KANK2: variants seen among roughly 807,000 people sequenced by gnomAD.
The protein encoded by KANK2 is KN motif and ankyrin repeat domains 2.
Under a neutral mutation model 74.6 loss-of-function variants are expected in KANK2, and 41 were observed. The observed-to-expected ratio is 0.55, with a 90% CI of 0.43 to 0.71. The LOEUF (loss-of-function observed/expected upper bound fraction) is 0.71. KANK2 is among the 30% of genes least tolerant of loss of function. The pLI is 0.00. For missense variants in KANK2, 1,148 were observed against 1,196.4 expected (o/e 0.96, Z 0.60); for synonymous variants, 537 against 519.0 (o/e 1.03, Z -0.47).
chr19:11,191,965 G>C (rs1023149642), intron 4 of KANK2, among the ~76,000 whole-genome samples: 1 of 152,108 alleles, frequency 6.6e-6, no homozygotes, highest in Non-Finnish European at 1.5e-5. Flanking sequence ...AGGCTAAGGC[G>C]GGAGGATTGC....
chr19:11,193,973 G>A lies in KANK2; in HGVS notation c.107C>T (p.Thr36Ile). ...CAGGTCCAGGCGGTAGCCATAGGGG[G>A]TCTCCACGGAGTAGGGTGGATCGGG... ...KDPDPPYSVE[T>I]PYGYRLDLDF... The change falls in exon 4 of 13, where the codon ACC becomes ATC. Residue 36 changes from threonine (T) to isoleucine (I), a missense_variant. Coordinates refer to ENST00000586659, the MANE Select transcript of KANK2 (RefSeq NM_001136191.3). This position sits in a 1 kb window ranked among gnomAD's most constrained non-coding sequence, Gnocchi z 9.6. The A allele has an allele frequency of 6.2e-7, 1 of 1,614,064 alleles. No homozygotes were observed. The highest frequency in any genetic ancestry group is 8.5e-7 in the Non-Finnish European group (1 of 1,179,984).
In KANK2 at chr19:11,166,359, G is replaced by T; in HGVS notation, c.*199C>A. ...CGCTGTGGCCACTTTGAACAGGGGAGCCAAGAAAACCCACTTGGAGCTGGA... is the reference window on the plus strand; with the variant it reads ...CGCTGTGGCCACTTTGAACAGGGGATCCAAGAAAACCCACTTGGAGCTGGA... On this transcript the variant is annotated 3_prime_UTR_variant, in exon 13 of 13. Coordinates refer to ENST00000586659, the MANE Select transcript of KANK2 (RefSeq NM_001136191.3). 1 of 581,822 alleles carries T rather than the reference G, an allele frequency of 1.7e-6. No individual in the cohort carries two copies. Among genetic ancestry groups the T allele is most frequent in the Non-Finnish European group, 3.1e-6 (1 of 326,262 alleles). The allele number at this position is 581,822 out of a possible 1,614,324, so 36.0% of individuals were successfully genotyped here. A position where few individuals can be genotyped will look rare whatever the true frequency, so the allele number is the denominator to read the frequency against.
rs754748677 is a variant in KANK2 at position 11,193,346 on chromosome 19, C to T, written c.734G>A (p.Arg245His). 40 of 1,612,350 alleles carry T rather than the reference C, an allele frequency of 2.5e-5. No individual in the cohort carries two copies. Among genetic ancestry groups the T allele is most frequent in the African/African-American group, 1.2e-4 (9 of 74,758 alleles). The change falls in exon 4 of 13, where the codon CGC (arginine) becomes CAC (histidine). Residue 245 changes from arginine (R) to histidine (H), a missense_variant. Transcript: ENST00000586659. This position sits in a 1 kb window ranked among gnomAD's most constrained non-coding sequence, Gnocchi z 9.6. ...FLGHPTAGRGRSELCLDLPDP... is the reference protein window; with the variant it reads ...FLGHPTAGRGHSELCLDLPDP... ...GGGGAGGTCCAGGCAGAGCTCGCTG[C>T]GACCCCGGCCCGCTGTGGGGTGGCC... is the stretch of plus-strand genomic sequence containing the variant.
At chr19:11,175,331 G>A (rs1182229380) in intron 8 of KANK2, among the ~76,000 whole-genome samples, 1 of 149,042 alleles carries the variant, frequency 6.7e-6, no homozygotes, top group African/African-American at 2.5e-5. Context: ...GGGAGGTTGA[G>A]GCAGGAGAAT....
chr19:11,181,080 CTT>C (rs1282361524), intron 4 of KANK2, among the ~76,000 whole-genome samples: 7 of 84,252 alleles, frequency 8.3e-5, no homozygotes, highest in Admixed American at 1.8e-4. Flanking sequence ...GAGCGAGACT[CTT>C]GTCTCCAAAA....
chr19:11,174,748 C>G, intron 8 of KANK2, 56 bp from the exon 9 acceptor site: 1 of 1,386,732 alleles, frequency 7.2e-7, no homozygotes, highest in South Asian at 1.2e-5. Flanking sequence ...CACTGGGACA[C>G]CCCCCACCCC....
At chr19:11,197,588 C>T (rs2079061637), upstream of KANK2, 1 of 151,644 alleles carries the variant, frequency 6.6e-6, no homozygotes, top group African/African-American at 2.4e-5. Flanking sequence ...CCGCCCGCAC[C>T]ACGCCCCCTC....
In KANK2 at chr19:11,196,852, C is replaced by T. The variant is rs191720158; in HGVS notation, c.-279+633G>A. 490 of 151,814 alleles carry T rather than the reference C, an allele frequency of 3.2e-3. 1 individual carries two copies. Among genetic ancestry groups the T allele is most frequent in the Non-Finnish European group, 5.0e-3 (342 of 67,950 alleles). The allele number at this position is 151,814 out of a possible 1,614,324, so 9.4% of individuals were successfully genotyped here. On this transcript the variant is annotated intron_variant, in intron 1 of 12. Transcript: ENST00000586659. ...AAGGGGCGCGGGTCTCCCCAACCCA[C>T]CACCCAAGACCGGCCTGCACATCGC...
chr19:11,166,761 C>T (rs1211047389), intron 12 of KANK2, 150 bp from the exon 13 acceptor site: 1 of 685,106 alleles, frequency 1.5e-6, no homozygotes, highest in Non-Finnish European at 2.6e-6. Flanking sequence ...GGGGCACCGC[C>T]TTGAAGAAGC....
chr19:11,194,792 C>T (rs2078969631), intron 2 of KANK2: 3 of 377,260 alleles, frequency 8.0e-6, no homozygotes, highest in Admixed American at 3.6e-5. Flanking sequence ...GAAACCAAAC[C>T]TCACTGCCTG....
At chr19:11,189,098 T>TC (rs71297565) in intron 4 of KANK2, among the ~76,000 whole-genome samples, 103,261 of 126,526 alleles carry the variant, frequency 0.82, 42,760 homozygotes, top group East Asian at 0.97. Context: ...ATTGATTCTC[T>TC]CCCCCCCCAC....
chr19:11,182,533 A>AAAC, intron 4 of KANK2, among the ~76,000 whole-genome samples: 7 of 147,152 alleles, frequency 4.8e-5, no homozygotes, highest in Non-Finnish European at 7.5e-5. Context: ...CTTTAAAAAA[A>AAAC]AAAACAAAAA....
At chr19:11,168,306 TTTC>T (rs2078080859) in intron 12 of KANK2, among the ~76,000 whole-genome samples, 1 of 143,922 alleles carries the variant, frequency 6.9e-6, no homozygotes, top group African/African-American at 2.9e-5. Flanking sequence ...GCCTGGCCTC[TTTC>T]TTTTTTTTTT....
At chr19:11,168,618 A>G (rs2078089417) in intron 12 of KANK2, among the ~76,000 whole-genome samples, 1 of 152,106 alleles carries the variant, frequency 6.6e-6, no homozygotes, top group Non-Finnish European at 1.5e-5. Context: ...ATAAGGGTGG[A>G]TACTGTTTTC....
rs780748259 is a variant in KANK2, at chr19:11,192,789, C to CA, written c.1249+41_1249+42insT. 3.8e-6 allele frequency: 6 copies of CA among 1,576,634 alleles called. No individual in the cohort carries two copies. The Admixed American group carries it at 1.0e-4, about 27-fold the overall frequency. ...GAGCCATGGGAAGAAAGAGGCCCCCCCCCCCCAAGCCATTCTCCCCTGCCT... is the reference window on the plus strand; with the variant it reads ...GAGCCATGGGAAGAAAGAGGCCCCCCACCCCCCAAGCCATTCTCCCCTGCCT... On this transcript the variant is annotated intron_variant, in intron 4 of 12. Coordinates refer to ENST00000586659, the MANE Select transcript of KANK2 (RefSeq NM_001136191.3).
intron 4 of KANK2, among the ~76,000 whole-genome samples, chr19:11,184,330 C>T (rs998940268): frequency 7.3e-5 from 11 of 150,066 alleles, no homozygotes; most frequent in Admixed American, 2.0e-4. Context: ...GAGCCGAGAT[C>T]GTGCCACTGC....
intron 12 of KANK2, among the ~76,000 whole-genome samples, chr19:11,167,214 C>T (rs1423329045): frequency 6.6e-6 from 1 of 151,962 alleles, no homozygotes. Flanking sequence ...TACAGGCAGG[C>T]GCCACCACGC....
intron 4 of KANK2, among the ~76,000 whole-genome samples, chr19:11,188,708 G>A (rs34307310): frequency 0.065 from 9,871 of 151,724 alleles, 371 homozygotes; most frequent in Admixed American, 0.09. Context: ...TGGAGGGTGG[G>A]TGCCGTGGCT....
rs528814096 is a variant in KANK2 at position 11,167,087 on chromosome 19, C to T, written c.2503-476G>A. Among the ~76,000 whole-genome samples, 35 of 152,182 alleles carry T rather than the reference C, an allele frequency of 2.3e-4. 1 individual carries two copies. In the South Asian group the frequency reaches 7.0e-3, roughly 31 times the overall value. ...GCTTTTTCTTTTCTTTTTTTTGAGACAGAGTTTCACTCTTGTTGCCTAGGC... is the reference window on the plus strand; with the variant it reads ...GCTTTTTCTTTTCTTTTTTTTGAGATAGAGTTTCACTCTTGTTGCCTAGGC... On this transcript the variant is annotated intron_variant, in intron 12 of 12. Transcript: ENST00000586659.
Sources: allele counts gnomAD v4.1 joint callset (sites outside exome capture counted in the v4.1 genomes callset), GRCh38; gene constraint gnomAD v4.1.1; non-coding constraint Gnocchi (gnomAD v3.1); transcripts MANE v1.5; gene names NCBI Gene and HGNC (gene_info 2026-07-23, HGNC 2026-07-21).